Variants in DENND1B observed in about 807,000 individuals in gnomAD.
DENND1B encodes the protein DENN domain containing 1B, also known as DENN domain-containing protein 1B.
Under a neutral mutation model 90.1 loss-of-function variants are expected in DENND1B, and 59 were observed. The observed-to-expected ratio is 0.65, with a 90% CI of 0.53 to 0.81. The LOEUF (loss-of-function observed/expected upper bound fraction) is 0.81. DENND1B is among the 40% of genes least tolerant of loss of function. The pLI is 0.00. For missense variants in DENND1B, 862 were observed against 912.6 expected, an observed-to-expected ratio of 0.94 and a Z score of 0.71; for synonymous variants, 337 against 324.6, an observed-to-expected ratio of 1.04 and a Z score of -0.41.
intron 20 of DENND1B, among the ~76,000 whole-genome samples, chr1:197,523,221 G>A (rs1443139554): frequency 2.6e-5 from 4 of 152,136 alleles, no homozygotes; most frequent in African/African-American, 7.2e-5. Context: ...TGCCTCCCAA[G>A]ACTGCTGGGG....
chr1:197,556,229 G>A (rs1181578359), intron 15 of DENND1B, among the ~76,000 whole-genome samples: 3 of 151,890 alleles, frequency 2.0e-5, no homozygotes, highest in East Asian at 1.9e-4. Flanking sequence ...GTGGGGCAGA[G>A]GTTGAAAAAC....
At chr1:197,671,008 G>GA (rs1244204737) in intron 5 of DENND1B, among the ~76,000 whole-genome samples, 1 of 152,022 alleles carries the variant, frequency 6.6e-6, no homozygotes, top group Non-Finnish European at 1.5e-5. Context: ...AATAAAGATA[G>GA]AAAAAAACTC....
intron 10 of DENND1B, among the ~76,000 whole-genome samples, chr1:197,641,561 C>A (rs1272033126): frequency 6.6e-6 from 1 of 152,046 alleles, no homozygotes; most frequent in Admixed American, 6.6e-5. Context: ...GTGAGCATAT[C>A]AAATTACAAT....
intron 14 of DENND1B, among the ~76,000 whole-genome samples, chr1:197,589,631 A>T (rs1675012598): frequency 6.6e-6 from 1 of 152,196 alleles, no homozygotes; most frequent in African/African-American, 2.4e-5. Flanking sequence ...CCCTGTGTTT[A>T]AATTGCTTGA....
chr1:197,512,964 A>G lies in DENND1B; in HGVS notation c.1516-11T>C. ...CCTTTTTAAGCGTGCCTGGAGAGAGAGATTGACAATAAATTGGCATTAGCA... is the reference window on the plus strand; with the variant it reads ...CCTTTTTAAGCGTGCCTGGAGAGAGGGATTGACAATAAATTGGCATTAGCA... On this transcript the variant is annotated splice_polypyrimidine_tract_variant and intron_variant, in intron 20 of 22. Coordinates refer to ENST00000620048, the MANE Select transcript of DENND1B (RefSeq NM_001195215.2). 4 of 1,600,864 alleles carry G rather than the reference A, an allele frequency of 2.5e-6. No homozygotes were observed. The highest frequency in any genetic ancestry group is 3.4e-6 in the Non-Finnish European group (4 of 1,174,374).
chr1:197,565,512 A>G (rs1168496307), intron 15 of DENND1B, among the ~76,000 whole-genome samples: 2 of 149,288 alleles, frequency 1.3e-5, no homozygotes, highest in East Asian at 3.9e-4. Flanking sequence ...ATTATACTTT[A>G]AGTTTTAGGG....
chr1:197,696,515 C>A (rs916985280), intron 3 of DENND1B, among the ~76,000 whole-genome samples: 4 of 151,378 alleles, frequency 2.6e-5, no homozygotes, highest in Non-Finnish European at 5.9e-5. Context: ...CTATCATGAA[C>A]AGTCAAGGAC....
intron 16 of DENND1B, among the ~76,000 whole-genome samples, chr1:197,548,171 T>A (rs1162702728): frequency 6.6e-6 from 1 of 152,212 alleles, no homozygotes; most frequent in East Asian, 1.9e-4. Context: ...TATTTAGAAC[T>A]ATGAGGAATT....
intron 2 of DENND1B, among the ~76,000 whole-genome samples, chr1:197,737,405 T>A (rs1477674144): frequency 6.6e-6 from 1 of 152,164 alleles, no homozygotes; most frequent in Non-Finnish European, 1.5e-5. Context: ...TCTCAATAAA[T>A]CATCTATAGC....
At chr1:197,625,636 A>T (rs1479603958) in intron 10 of DENND1B, among the ~76,000 whole-genome samples, 1 of 152,002 alleles carries the variant, frequency 6.6e-6, no homozygotes, top group Non-Finnish European at 1.5e-5. Flanking sequence ...CTAACATCAT[A>T]ATGACAGGAT....
intron 2 of DENND1B, among the ~76,000 whole-genome samples, chr1:197,759,415 A>G (rs775441939): frequency 2.0e-5 from 3 of 151,072 alleles, no homozygotes; most frequent in Non-Finnish European, 4.4e-5. Flanking sequence ...TATTAAATAT[A>G]TAATAAATGA....
intron 20 of DENND1B, among the ~76,000 whole-genome samples, chr1:197,529,324 GTATA>G (rs200694219): frequency 1.4e-5 from 2 of 147,556 alleles, no homozygotes; most frequent in Admixed American, 6.8e-5. Flanking sequence ...ATATATGTGT[GTATA>G]TATATGTGTG....
intron 21 of DENND1B, 78 bp from the exon 22 acceptor site, chr1:197,512,022 T>C: frequency 9.5e-7 from 1 of 1,057,908 alleles, no homozygotes. Flanking sequence ...CCAGTTACAT[T>C]ACATTAATGA....
At chr1:197,645,795 A>T in intron 8 of DENND1B, 52 bp from the exon 9 acceptor site, 1 of 1,229,544 alleles carries the variant, frequency 8.1e-7, no homozygotes, top group South Asian at 1.6e-5. Flanking sequence ...AACTGGTAAC[A>T]TATAATTTGT....
intron 21 of DENND1B, among the ~76,000 whole-genome samples, chr1:197,512,648 A>G (rs1668111374): frequency 6.6e-6 from 1 of 151,580 alleles, no homozygotes; most frequent in Non-Finnish European, 1.5e-5. Flanking sequence ...CTCTGTAGAC[A>G]TTATTGCTTT....
chr1:197,621,206 C>A (rs1029706032), intron 10 of DENND1B, among the ~76,000 whole-genome samples: 1 of 151,292 alleles, frequency 6.6e-6, no homozygotes, highest in South Asian at 2.1e-4. Context: ...AAATATTATT[C>A]TCGATGACAT....
chr1:197,545,410 A>T lies in DENND1B; in HGVS notation c.1350+512T>A, dbSNP rs539592625. Among the ~76,000 whole-genome samples, 4 of 152,280 alleles carry T rather than the reference A, an allele frequency of 2.6e-5. No individual in the cohort carries two copies. The South Asian group carries it at 8.3e-4, about 32-fold the overall frequency. The stretch of plus-strand genomic sequence containing the variant: ...ACAGAGCGAGACTTCGTCTCAAAAA[A>T]AAAAAAGAATTTGTGTTGGGCCACA... On this transcript the variant is annotated intron_variant, in intron 18 of 22. Transcript: ENST00000620048.
Position 197,519,765 on chromosome 1 carries a change from T to C in DENND1B, c.1516-6812A>G, listed in dbSNP as rs6667162. Among the ~76,000 whole-genome samples the C allele has an allele frequency of 5.2e-3, 796 of 151,988 alleles. 12 individuals are homozygous for C. Among genetic ancestry groups the C allele is most frequent in the African/African-American group, 0.018 (742 of 41,498 alleles). On this transcript the variant is annotated intron_variant, in intron 20 of 22. Transcript: ENST00000620048. The stretch of plus-strand genomic sequence containing the variant: ...TGGAAGATGTAGCAATATGTGCAAA[T>C]GTCCAGTGGTGGGACAATCAGGGCA...
chr1:197,726,538 T>C (rs758537428), intron 2 of DENND1B, among the ~76,000 whole-genome samples: 1 of 152,186 alleles, frequency 6.6e-6, no homozygotes, highest in Non-Finnish European at 1.5e-5. Context: ...GTCAGAAGCA[T>C]AATCCTAGGT....
Sources: gnomAD v4.1 joint callset for allele counts (sites outside exome capture counted in the v4.1 genomes callset) on GRCh38, gnomAD v4.1.1 for gene constraint, MANE v1.5 for transcripts, NCBI Gene and HGNC (gene_info 2026-07-23, HGNC 2026-07-21) for gene names.